Variants in TRAK2 observed in about 807,000 individuals in gnomAD.
The protein encoded by TRAK2 is trafficking kinesin protein 2, also known as trafficking kinesin-binding protein 2.
A neutral mutation model predicts 104.6 loss-of-function variants in TRAK2; 81 were observed. That is an observed-to-expected ratio of 0.77 (90% CI 0.65 to 0.93). The LOEUF is 0.93. TRAK2 is among the 40% of genes least tolerant of loss of function. The pLI, the probability that TRAK2 is intolerant of heterozygous loss-of-function variation, is 0.00. For synonymous variants in TRAK2, 406 were observed against 394.4 expected, an observed-to-expected ratio of 1.03 and a Z score of -0.35; for missense variants, 1,002 against 1,089.0, an observed-to-expected ratio of 0.92 and a Z score of 1.12.
chr2:201,427,582 T>C (rs537873260), intron 1 of TRAK2, among the ~76,000 whole-genome samples: 1 of 152,224 alleles, frequency 6.6e-6, no homozygotes, highest in African/African-American at 2.4e-5. Flanking sequence ...TGATAGACAT[T>C]TGGGTTGGTT....
intron 14 of TRAK2, among the ~76,000 whole-genome samples, chr2:201,385,341 A>ATT (rs74268993): frequency 9.3e-4 from 134 of 144,168 alleles, no homozygotes; most frequent in African/African-American, 3.0e-3. Flanking sequence ...ATTTAATTTA[A>ATT]TTTTTTTTTT....
chr2:201,401,246 G>C (rs1559443174), intron 3 of TRAK2, 152 bp from the exon 4 acceptor site: 1 of 495,064 alleles, frequency 2.0e-6, no homozygotes, highest in Admixed American at 3.6e-5. Flanking sequence ...AAAAAGAAAT[G>C]TTTCATGTAT....
chr2:201,443,662 C>T (rs1350151200), intron 1 of TRAK2, among the ~76,000 whole-genome samples: 1 of 152,052 alleles, frequency 6.6e-6, no homozygotes, highest in Non-Finnish European at 1.5e-5. Flanking sequence ...TTCCTCCATC[C>T]CTCATCCTGT....
In TRAK2 at chr2:201,407,512, G is replaced by A. The variant is rs2125649477; in HGVS notation, c.177C>T (p.Asp59=). 2.5e-6 allele frequency: 4 copies of A among 1,614,142 alleles called. No homozygotes were observed. Among genetic ancestry groups the A allele is most frequent in the Non-Finnish European group, 3.4e-6 (4 of 1,179,984 alleles). ...CTTGATTTTCATATAGAAAGAGAGT[G>A]TCTACTTTTAGCCTATACTGTGGTA... ...EQLPQYRLKV[D]TLFLYENQDW... The change falls in exon 3 of 16, where the codon GAC becomes GAT. Residue 59 remains aspartate (D), a synonymous_variant. Transcript: ENST00000332624.
intron 1 of TRAK2, among the ~76,000 whole-genome samples, chr2:201,422,049 CAAA>C (rs71022367): frequency 1.1e-4 from 10 of 91,108 alleles, no homozygotes; most frequent in Admixed American, 1.1e-4. Flanking sequence ...GACTCTGTCT[CAAA>C]AAAAAAAAAA....
intron 1 of TRAK2, among the ~76,000 whole-genome samples, chr2:201,449,443 G>T (rs1232605707): frequency 6.6e-5 from 10 of 151,732 alleles, no homozygotes; most frequent in Middle Eastern, 3.5e-3. Flanking sequence ...CTCCCACCTG[G>T]GGTGCCTGGC....
chr2:201,445,945 A>C (rs1217789756), intron 1 of TRAK2, among the ~76,000 whole-genome samples: 1 of 152,244 alleles, frequency 6.6e-6, no homozygotes, highest in Admixed American at 6.5e-5. Flanking sequence ...TTACGCATGG[A>C]TTATTTTAAT....
At chr2:201,405,584 T>C (rs2125648648) in intron 3 of TRAK2, among the ~76,000 whole-genome samples, 1 of 152,336 alleles carries the variant, frequency 6.6e-6, no homozygotes, top group African/African-American at 2.4e-5. Flanking sequence ...GTGACATTGA[T>C]TGCAGGGGTC....
At chr2:201,405,587 C>T (rs1273753023) in intron 3 of TRAK2, among the ~76,000 whole-genome samples, 1 of 152,196 alleles carries the variant, frequency 6.6e-6, no homozygotes, top group Non-Finnish European at 1.5e-5. Flanking sequence ...ACATTGATTG[C>T]AGGGGTCCAC....
chr2:201,396,390 G>T (rs1951501995), intron 7 of TRAK2, among the ~76,000 whole-genome samples: 1 of 152,066 alleles, frequency 6.6e-6, no homozygotes, highest in Non-Finnish European at 1.5e-5. Flanking sequence ...GAATTGATGT[G>T]ATATTTTCAT....
At chr2:201,439,389 T>A (rs572440749) in intron 1 of TRAK2, among the ~76,000 whole-genome samples, 2 of 144,550 alleles carry the variant, frequency 1.4e-5, no homozygotes, top group South Asian at 4.3e-4. Context: ...TCTTTAATAC[T>A]TTTTTTTTTT....
At chr2:201,384,276 A>C (rs1020111586) in intron 14 of TRAK2, 60 bp from the exon 15 acceptor site, 1 of 1,226,808 alleles carries the variant, frequency 8.2e-7, no homozygotes, top group Non-Finnish European at 1.2e-6. Flanking sequence ...TAATGTAAAA[A>C]GCTCATCATT....
At chr2:201,391,842 A>C (rs1385924290) in intron 10 of TRAK2, among the ~76,000 whole-genome samples, 1 of 152,204 alleles carries the variant, frequency 6.6e-6, no homozygotes, top group African/African-American at 2.4e-5. Context: ...CATCCTACAA[A>C]AGTCACGAAA....
In TRAK2 at chr2:201,383,802, G is replaced by C. The variant is rs978480702; in HGVS notation, c.2069+309C>G. On this transcript the variant is annotated intron_variant, in intron 15 of 15. Transcript: ENST00000332624. ...TGAGCTTGTGCAGAGGACTGGCCCT[G>C]TAAATCTTGCAGTTTGGCTAACTCT... Among the ~76,000 whole-genome samples, 3 of 152,126 alleles carry C rather than the reference G, an allele frequency of 2.0e-5. No homozygotes were observed. The East Asian group carries it at 5.8e-4, about 29-fold the overall frequency.
In TRAK2 at chr2:201,379,086, C is replaced by G. The variant is rs560338184; in HGVS notation, c.*1457G>C. 2.6e-5 allele frequency: 4 copies of G among 152,112 alleles called. No homozygotes were observed. The South Asian group carries it at 8.3e-4, about 32-fold the overall frequency. 9.4% of individuals were successfully genotyped at this position (152,112 alleles called of 1,614,324 possible). A position where few individuals can be genotyped will look rare whatever the true frequency, so the allele number is the denominator to read the frequency against. ...ATTTTCATAAACAAAATAATTAGTC[C>G]CCTCTCTCATCTTTTCTCTATCATG... On this transcript the variant is annotated 3_prime_UTR_variant, in exon 16 of 16. Coordinates refer to ENST00000332624, the MANE Select transcript of TRAK2 (RefSeq NM_015049.3).
intron 1 of TRAK2, 73 bp from the exon 2 acceptor site, chr2:201,420,779 C>A (rs1951734112): frequency 6.8e-6 from 2 of 295,940 alleles, no homozygotes; most frequent in Non-Finnish European, 1.3e-5. Flanking sequence ...ATCAAAATGT[C>A]CATCATGAAA....
chr2:201,446,991 A>G (rs576322597), intron 1 of TRAK2, among the ~76,000 whole-genome samples: 8 of 152,340 alleles, frequency 5.3e-5, no homozygotes, highest in Non-Finnish European at 1.2e-4. Flanking sequence ...ATAATGTTAT[A>G]TTAACAGTGG....
chr2:201,392,181 G>A (rs1292677674), intron 10 of TRAK2, among the ~76,000 whole-genome samples: 5 of 152,110 alleles, frequency 3.3e-5, no homozygotes, highest in African/African-American at 1.2e-4. Context: ...GCAATAATAT[G>A]TTAAAAACTG....
chr2:201,429,049 A>T (rs1951817928), intron 1 of TRAK2, among the ~76,000 whole-genome samples: 1 of 152,222 alleles, frequency 6.6e-6, no homozygotes, highest in Non-Finnish European at 1.5e-5. Flanking sequence ...AGTTGCTTAC[A>T]GCTTAAGGAG....
Sources: allele counts gnomAD v4.1 joint callset (sites outside exome capture counted in the v4.1 genomes callset), GRCh38; gene constraint gnomAD v4.1.1; transcripts MANE v1.5; gene names NCBI Gene and HGNC (gene_info 2026-07-23, HGNC 2026-07-21).